DNAH10: variants seen among roughly 807,000 people sequenced by gnomAD.
DNAH10 encodes dynein axonemal heavy chain 10.
A neutral mutation model predicts 506.6 loss-of-function variants in DNAH10; 348 were observed. The observed-to-expected ratio is 0.69, with a 90% confidence interval of 0.63 to 0.75. The LOEUF is 0.75. DNAH10 is among the 30% of genes least tolerant of loss of function. The pLI is 0.00. For missense variants in DNAH10, 5,179 were observed against 5,787.1 expected (o/e 0.89, Z 3.41); for synonymous variants, 2,059 against 2,198.6 (o/e 0.94, Z 1.78).
rs551358147 is a variant in DNAH10, at chr12:123,904,487, C to A, written c.9815+1374C>A. Among the ~76,000 whole-genome samples the A allele has an allele frequency of 1.2e-3, 177 of 152,194 alleles. 2 individuals carry two copies. In the Middle Eastern group the frequency reaches 0.02, roughly 18 times the overall value. On this transcript the variant is annotated intron_variant, in intron 57 of 78. Transcript: ENST00000673944. ...AGGGGATTTATTTGAAGAGAAGGAA[C>A]GGTGAGTCCCTTCCATCAATCCAAG...
At chr12:123,786,179 CA>C (rs1190334909) in intron 9 of DNAH10, among the ~76,000 whole-genome samples, 1 of 151,822 alleles carries the variant, frequency 6.6e-6, no homozygotes, top group Non-Finnish European at 1.5e-5. Context: ...GGTGAAACCC[CA>C]TGCGTGGTGG....
chr12:123,861,320 C>A (rs977487250), intron 39 of DNAH10, 150 bp downstream of exon 39: 2 of 1,021,226 alleles, frequency 2.0e-6, no homozygotes, highest in Non-Finnish European at 1.4e-6. Context: ...TTCGGAAGTG[C>A]GCAGTCCAAT....
At chr12:123,814,707 C>A (rs1253793253) in intron 21 of DNAH10, among the ~76,000 whole-genome samples, 1 of 151,426 alleles carries the variant, frequency 6.6e-6, no homozygotes, top group Non-Finnish European at 1.5e-5. Flanking sequence ...CTCCGCCTCC[C>A]AGGTTCACGC....
At chr12:123,898,864 C>T (rs151264029) in intron 56 of DNAH10, 50 bp downstream of exon 56, 17,957 of 1,532,426 alleles carry the variant, frequency 0.012, 134 homozygotes, top group Non-Finnish European at 0.014. Flanking sequence ...CCAATACCCA[C>T]CGTAGGTGAG....
chr12:123,781,222 A>G lies in DNAH10; in HGVS notation c.764A>G (p.Gln255Arg), dbSNP rs1331061478. The G allele has an allele frequency of 2.5e-6, 4 of 1,614,144 alleles. No individual in the cohort carries two copies. The highest frequency in any genetic ancestry group is 3.3e-5 in the Admixed American group (2 of 60,006). The stretch of plus-strand genomic sequence containing the variant: ...GAGGCAGTAGAATATCACAGTATTC[A>G]ATTAATACGGGATGAATTTTTAATG... ...PGEAVEYHSI[Q>R]LIRDEFLMNV... The change falls in exon 6 of 79, where the codon CAA (glutamine) becomes CGA (arginine). Residue 255 changes from glutamine to arginine, a missense_variant. This residue lies in a region of DNAH10 where 9 missense variants were observed against 25.8 expected (regional missense o/e 0.35). Transcript: ENST00000673944.
intron 36 of DNAH10, among the ~76,000 whole-genome samples, chr12:123,856,253 ATTT>A (rs1401308606): frequency 6.7e-6 from 1 of 148,208 alleles, no homozygotes; most frequent in Non-Finnish European, 1.5e-5. Flanking sequence ...TTTATATATA[ATTT>A]TATATTTCAT....
intron 52 of DNAH10, among the ~76,000 whole-genome samples, chr12:123,892,645 G>A: frequency 6.6e-6 from 1 of 152,214 alleles, no homozygotes; most frequent in Non-Finnish European, 1.5e-5. Flanking sequence ...ACTCTTCCCT[G>A]CACAGGAGAA....
Position 123,860,996 on chromosome 12 carries a change from G to T in DNAH10, c.6750-16G>T. On this transcript the variant is annotated splice_polypyrimidine_tract_variant and intron_variant, in intron 38 of 78. Transcript: ENST00000673944. ...TTAGTTGTCTTGAACCATGGCTAAA[G>T]CCTCTCTTGATTTAGGCTTGGGCTG... The T allele has an allele frequency of 1.2e-6, 2 of 1,613,922 alleles. No individual in the cohort carries two copies. The highest frequency in any genetic ancestry group is 8.5e-7 in the Non-Finnish European group (1 of 1,179,894).
In DNAH10 at chr12:123,902,597, C is replaced by T. The variant is rs1427448044; in HGVS notation, c.9641-342C>T. Reference sequence around the variant, plus strand: ...GCAGAAGGAGGAGATCGCAGGGAGCCGGTAAGCAGGAGGGGGACCCCAGCA... The same window carrying T: ...GCAGAAGGAGGAGATCGCAGGGAGCTGGTAAGCAGGAGGGGGACCCCAGCA... On this transcript the variant is annotated intron_variant, in intron 56 of 78. Transcript: ENST00000673944. The surrounding 1 kb of genome is among the most constrained non-coding windows in gnomAD (Gnocchi z 4.5). Among the ~76,000 whole-genome samples the T allele has an allele frequency of 2.6e-5, 4 of 152,104 alleles. No homozygotes were observed. Among genetic ancestry groups the T allele is most frequent in the African/African-American group, 9.7e-5 (4 of 41,414 alleles).
chr12:123,852,131 A>G (rs1248917556), intron 35 of DNAH10, among the ~76,000 whole-genome samples: 1 of 152,112 alleles, frequency 6.6e-6, no homozygotes, highest in Non-Finnish European at 1.5e-5. Flanking sequence ...CCCCTGATCT[A>G]TTCTTCAGTC....
At chr12:123,809,310 T>C (rs932634678) in intron 19 of DNAH10, among the ~76,000 whole-genome samples, 1 of 152,130 alleles carries the variant, frequency 6.6e-6, no homozygotes, top group Middle Eastern at 3.2e-3. Context: ...TGACGTTCCA[T>C]CAATCCATTC....
intron 59 of DNAH10, among the ~76,000 whole-genome samples, chr12:123,912,874 A>G (rs1406072761): frequency 3.8e-4 from 58 of 152,228 alleles, no homozygotes; most frequent in Admixed American, 3.8e-3. Flanking sequence ...AAGTAAAACC[A>G]TTTGATAACT....
chr12:123,820,428 T>G (rs1959268895), intron 23 of DNAH10, among the ~76,000 whole-genome samples, 152 bp from the exon 24 acceptor site: 1 of 152,206 alleles, frequency 6.6e-6, no homozygotes, highest in Non-Finnish European at 1.5e-5. Flanking sequence ...TCTTTTGGTT[T>G]TACTTAGAAT....
Position 123,767,588 on chromosome 12 carries a change from A to G in DNAH10, c.215-18A>G, listed in dbSNP as rs556103172. On this transcript the variant is annotated intron_variant, in intron 1 of 78. Transcript: ENST00000673944. ...CAATTACGTTTAATATTTTCTTCCC[A>G]TTTATGTGGCCATAAAGATGAGATA... is the stretch of plus-strand genomic sequence containing the variant. The G allele has an allele frequency of 6.2e-7, 1 of 1,603,724 alleles. No homozygotes were observed. The highest frequency in any genetic ancestry group is 2.2e-5 in the East Asian group (1 of 44,738).
intron 2 of DNAH10, among the ~76,000 whole-genome samples, chr12:123,768,338 T>C (rs1392919181): frequency 6.6e-6 from 1 of 152,162 alleles, no homozygotes; most frequent in Non-Finnish European, 1.5e-5. Context: ...TTTCACCATG[T>C]TGGCCAGGCT....
intron 54 of DNAH10, among the ~76,000 whole-genome samples, chr12:123,896,189 A>AGAGAGG (rs1566064430): frequency 1.3e-5 from 2 of 149,080 alleles, no homozygotes; most frequent in East Asian, 3.9e-4. Flanking sequence ...AGAGAGAGAG[A>AGAGAGG]GAGAGAATAT....
chr12:123,879,498 T>C, intron 49 of DNAH10, 136 bp from the exon 50 acceptor site: 1 of 1,464,730 alleles, frequency 6.8e-7, no homozygotes, highest in South Asian at 1.3e-5. Context: ...GGGTGGGTTA[T>C]TAAGCGTCTT....
At position 123,913,631 on chromosome 12, in the gene DNAH10, C is replaced by A. The variant is rs1201815024; in HGVS notation, c.10352+316C>A. Among the ~76,000 whole-genome samples, 1 of 152,212 alleles carries A rather than the reference C, an allele frequency of 6.6e-6. No homozygotes were observed. The highest frequency in any genetic ancestry group is 6.5e-5 in the Admixed American group (1 of 15,278). On this transcript the variant is annotated intron_variant, in intron 60 of 78. Transcript: ENST00000673944. This position sits in a 1 kb window ranked among gnomAD's most constrained non-coding sequence, Gnocchi z 5.1. ...TTCACTTCTTGGTGACCTCTAACCCCTGGGTCTTTTCTAGAAGAGTCTGTG... is the reference window on the plus strand; with the variant it reads ...TTCACTTCTTGGTGACCTCTAACCCATGGGTCTTTTCTAGAAGAGTCTGTG...
chr12:123,908,424 C>T (rs564470287), intron 57 of DNAH10: 7 of 456,274 alleles, frequency 1.5e-5, no homozygotes, highest in South Asian at 1.1e-4. Flanking sequence ...GTCTCCTGCT[C>T]TTCTCTCCTG....
Sources: allele counts gnomAD v4.1 joint callset (sites outside exome capture counted in the v4.1 genomes callset), GRCh38; gene constraint gnomAD v4.1.1; regional missense constraint gnomAD v4.1.1; non-coding constraint Gnocchi (gnomAD v3.1); transcripts MANE v1.5; gene names NCBI Gene and HGNC (gene_info 2026-07-23, HGNC 2026-07-21).